The following ARHGAP24 variants were observed in gnomAD, a reference collection of about 807,000 sequenced individuals.
ARHGAP24 encodes rho GTPase-activating protein 24.
A neutral mutation model predicts 76.4 loss-of-function variants in ARHGAP24; 50 were observed. The observed-to-expected ratio is 0.65, with a 90% CI of 0.52 to 0.83. ARHGAP24 has a LOEUF of 0.83. ARHGAP24 is among the 40% of genes least tolerant of loss of function. The pLI is 0.00. For missense variants in ARHGAP24, 930 were observed against 914.2 expected (o/e 1.02, Z -0.22); for synonymous variants, 345 against 323.3 (o/e 1.07, Z -0.72).
chr4:85,732,198 C>G (rs1725435333), intron 3 of ARHGAP24, among the ~76,000 whole-genome samples: 1 of 152,140 alleles, frequency 6.6e-6, no homozygotes, highest in African/African-American at 2.4e-5. Flanking sequence ...AGGTCTTTGT[C>G]TATGGTAGGG....
At chr4:85,661,996 A>G (rs1388288130) in intron 2 of ARHGAP24, among the ~76,000 whole-genome samples, 1 of 152,184 alleles carries the variant, frequency 6.6e-6, no homozygotes, top group Non-Finnish European at 1.5e-5. Flanking sequence ...ATGTGTCTTT[A>G]TAGCAGCATG....
At chr4:85,714,772 C>A (rs932431451) in intron 2 of ARHGAP24, among the ~76,000 whole-genome samples, 42 of 152,214 alleles carry the variant, frequency 2.8e-4, no homozygotes, top group African/African-American at 9.6e-4. Flanking sequence ...CTTCCCATCT[C>A]TTTTCTCCCC....
At chr4:85,484,138 C>T (rs542952920) in intron 1 of ARHGAP24, among the ~76,000 whole-genome samples, 1 of 152,220 alleles carries the variant, frequency 6.6e-6, no homozygotes, top group South Asian at 2.1e-4. Context: ...CATAGTGCAG[C>T]TGGGTAAGTC....
chr4:85,955,690 A>G (rs751472487), intron 5 of ARHGAP24, among the ~76,000 whole-genome samples: 1 of 152,218 alleles, frequency 6.6e-6, no homozygotes, highest in Non-Finnish European at 1.5e-5. Flanking sequence ...GTGTATGGTA[A>G]AGGACATTGA....
chr4:85,801,503 A>G (rs898488972), intron 3 of ARHGAP24, among the ~76,000 whole-genome samples: 1 of 152,234 alleles, frequency 6.6e-6, no homozygotes, highest in Non-Finnish European at 1.5e-5. Context: ...TTTTCTTTCC[A>G]AGTAAAAATT....
intron 1 of ARHGAP24, among the ~76,000 whole-genome samples, chr4:85,536,729 C>G (rs1021845900): frequency 6.6e-6 from 1 of 152,038 alleles, no homozygotes; most frequent in Non-Finnish European, 1.5e-5. Context: ...AATTATACAT[C>G]TTTCGGGGAG....
chr4:85,617,399 G>A (rs7681072), intron 2 of ARHGAP24, among the ~76,000 whole-genome samples: 49,872 of 151,430 alleles, frequency 0.33, 9,252 homozygotes, highest in East Asian at 0.84. Flanking sequence ...ACTTACTTAC[G>A]TATCCTTCCG....
chr4:85,741,554 A>G (rs1578188452), intron 3 of ARHGAP24, among the ~76,000 whole-genome samples: 1 of 152,172 alleles, frequency 6.6e-6, no homozygotes, highest in Admixed American at 6.5e-5. Context: ...TATGGCTTGG[A>G]GACAGGCAGG....
intron 3 of ARHGAP24, among the ~76,000 whole-genome samples, chr4:85,743,234 T>C (rs2004613): frequency 0.15 from 22,569 of 150,836 alleles, 2,339 homozygotes; most frequent in East Asian, 0.55. Flanking sequence ...TAAGAAGATA[T>C]TTAGGGGAAT....
intron 4 of ARHGAP24, chr4:85,930,714 G>A: frequency 7.9e-7 from 1 of 1,264,926 alleles, no homozygotes; most frequent in Non-Finnish European, 9.9e-7. Context: ...CCCTGGATTA[G>A]GCAAGAGAAA....
chr4:85,894,991 AAACAAAAAGC>A (rs1560701717), intron 3 of ARHGAP24, among the ~76,000 whole-genome samples: 11 of 23,896 alleles, frequency 4.6e-4, no homozygotes, highest in Non-Finnish European at 7.2e-4. Context: ...AAAAAAAACA[AAACAAAAAGC>A]AAAAAAAAAA....
intron 3 of ARHGAP24, chr4:85,827,922 T>C: frequency 7.8e-7 from 1 of 1,289,782 alleles, no homozygotes; most frequent in South Asian, 1.2e-5. Flanking sequence ...GTCTCCCAGC[T>C]TGCAAGTGCA....
chr4:85,974,015 T>C (rs1338196492), intron 6 of ARHGAP24, among the ~76,000 whole-genome samples: 1 of 148,326 alleles, frequency 6.7e-6, no homozygotes, highest in African/African-American at 2.5e-5. Flanking sequence ...GCTAATTTTT[T>C]TTTTTTTTTT....
At chr4:85,769,304 C>G (rs1183689045) in intron 3 of ARHGAP24, among the ~76,000 whole-genome samples, 1 of 152,122 alleles carries the variant, frequency 6.6e-6, no homozygotes, top group Non-Finnish European at 1.5e-5. Context: ...CATCTTGACT[C>G]TTAGTAATGT....
At chr4:85,878,553 A>G (rs532453418) in intron 3 of ARHGAP24, among the ~76,000 whole-genome samples, 11 of 152,300 alleles carry the variant, frequency 7.2e-5, no homozygotes, top group African/African-American at 2.6e-4. Context: ...ATGAAAGTCA[A>G]TCCAAGCTCA....
intron 3 of ARHGAP24, among the ~76,000 whole-genome samples, chr4:85,778,317 C>T (rs1457682208): frequency 2.6e-5 from 4 of 152,164 alleles, no homozygotes. Context: ...ACAGTTCTCA[C>T]ATCCTAATTG....
At chr4:85,686,235 A>G (rs1723418195) in intron 2 of ARHGAP24, among the ~76,000 whole-genome samples, 1 of 152,016 alleles carries the variant, frequency 6.6e-6, no homozygotes, top group South Asian at 2.1e-4. Context: ...GTGTCAAAGA[A>G]TTGGCACCCA....
Position 85,618,497 on chromosome 4 carries a change from C to A in ARHGAP24, c.180+47776C>A, listed in dbSNP as rs1366605146. On this transcript the variant is annotated intron_variant, in intron 2 of 9. Transcript: ENST00000395184. ...CATTTCATTTCCATTGGATATGTACCCCAAAGTGAGTTGCTGGATCATATA... is the reference window on the plus strand; with the variant it reads ...CATTTCATTTCCATTGGATATGTACACCAAAGTGAGTTGCTGGATCATATA... Among the ~76,000 whole-genome samples, 6 of 151,950 alleles carry A rather than the reference C, an allele frequency of 3.9e-5. No individual in the cohort carries two copies. In the East Asian group the frequency reaches 1.2e-3, roughly 29 times the overall value.
At chr4:85,963,146 T>C (rs1220334491) in intron 5 of ARHGAP24, among the ~76,000 whole-genome samples, 5 of 152,070 alleles carry the variant, frequency 3.3e-5, no homozygotes, top group African/African-American at 9.7e-5. Flanking sequence ...ATTATATAGA[T>C]CATTGATATG....
Sources: gnomAD v4.1 joint callset for allele counts (sites outside exome capture counted in the v4.1 genomes callset) on GRCh38, gnomAD v4.1.1 for gene constraint, MANE v1.5 for transcripts, NCBI Gene and HGNC (gene_info 2026-07-23, HGNC 2026-07-21) for gene names.